The following PAK5 variants were observed in gnomAD, a reference collection of about 807,000 sequenced individuals.
PAK5 encodes the protein serine/threonine-protein kinase PAK 5.
In PAK5, 16 loss-of-function variants were observed where a neutral mutation model predicts 65.9. That is an observed-to-expected ratio of 0.24 (90% confidence interval 0.16 to 0.37). The LOEUF (loss-of-function observed/expected upper bound fraction) is 0.37. Ranked by LOEUF, PAK5 falls within the 10% of genes least tolerant of loss-of-function variation. The pLI, the probability that PAK5 is intolerant of heterozygous loss-of-function variation, is 1.00. For synonymous variants in PAK5, 371 were observed against 354.9 expected, an observed-to-expected ratio of 1.05 and a Z score of -0.51; for missense variants, 785 against 903.9, an observed-to-expected ratio of 0.87 and a Z score of 1.69.
chr20:9,774,987 C>T (rs893599889), intron 1 of PAK5, among the ~76,000 whole-genome samples: 3 of 152,020 alleles, frequency 2.0e-5, no homozygotes, highest in Non-Finnish European at 4.4e-5. Flanking sequence ...CAAAAAACTA[C>T]TCACATACAA....
At chr20:9,663,029 C>G (rs1441244060) in intron 2 of PAK5, among the ~76,000 whole-genome samples, 1 of 152,118 alleles carries the variant, frequency 6.6e-6, no homozygotes, top group Non-Finnish European at 1.5e-5. Context: ...GAATTTTCAG[C>G]AGTAACATTT....
At chr20:9,559,249 A>G (rs1433866448) in intron 6 of PAK5, among the ~76,000 whole-genome samples, 1 of 152,198 alleles carries the variant, frequency 6.6e-6, no homozygotes, top group Non-Finnish European at 1.5e-5. Context: ...CAAACAGAGG[A>G]GACTGTCAGG....
chr20:9,745,085 A>G (rs2048491030), intron 1 of PAK5, among the ~76,000 whole-genome samples: 1 of 152,154 alleles, frequency 6.6e-6, no homozygotes, highest in Non-Finnish European at 1.5e-5. Flanking sequence ...AGCCATCCCC[A>G]GTCAAAAGTA....
chr20:9,616,138 G>T (rs1330193936), intron 3 of PAK5, among the ~76,000 whole-genome samples: 1 of 152,180 alleles, frequency 6.6e-6, no homozygotes, highest in Non-Finnish European at 1.5e-5. Context: ...ATAAAGCAAT[G>T]TTGAAACTAC....
Position 9,754,111 on chromosome 20 carries a change from C to T in PAK5, c.-161-42676G>A, listed in dbSNP as rs76278513. On this transcript the variant is annotated intron_variant, in intron 1 of 9. Transcript: ENST00000353224. ...TATCTTTCCAGAAAGTTTCATTTTG[C>T]TTAAGATAGTTAGCATCAGTTTTTA... Among the ~76,000 whole-genome samples the T allele has an allele frequency of 1.9e-3, 285 of 152,238 alleles. 1 individual carries two copies. The highest frequency in any genetic ancestry group is 6.6e-3 in the African/African-American group (274 of 41,552).
intron 7 of PAK5, among the ~76,000 whole-genome samples, chr20:9,548,150 T>C (rs2045372271): frequency 6.6e-6 from 1 of 152,074 alleles, no homozygotes. Context: ...ACTAAAACCA[T>C]TCCTAGGGAC....
In PAK5 at chr20:9,644,184, T is replaced by C; in HGVS notation, c.145A>G (p.Arg49Gly). 6.2e-7 allele frequency: 1 copy of C among 1,610,644 alleles called. No individual in the cohort carries two copies. The highest frequency in any genetic ancestry group is 1.1e-5 in the South Asian group (1 of 90,094). ...GAAGGGTCCACCATAGGCTTTGGCC[T>C]GTTGGCCGTATCTGCTAACAGGCTG... ...WHSLLADTAN[R>G]PKPMVDPSCI... The change falls in exon 3 of 10, where the codon AGG (arginine) becomes GGG (glycine). Residue 49 changes from arginine (R) to glycine (G), a missense_variant. Physicochemically the swap from Arg to Gly is moderately radical, Grantham distance 125. This residue lies in a region of PAK5 where 71 missense variants were observed against 110.2 expected (regional missense o/e 0.64). Coordinates refer to ENST00000353224, the MANE Select transcript of PAK5 (RefSeq NM_177990.4).
intron 1 of PAK5, among the ~76,000 whole-genome samples, chr20:9,727,061 A>C (rs1015263358): frequency 5.9e-5 from 9 of 152,182 alleles, no homozygotes; most frequent in Non-Finnish European, 1.2e-4. Context: ...TACCAATCTT[A>C]GCATTTGAAT....
At chr20:9,644,763 C>T (rs949159360) in intron 2 of PAK5, among the ~76,000 whole-genome samples, 1 of 152,180 alleles carries the variant, frequency 6.6e-6, no homozygotes. Flanking sequence ...TGCATGAGGG[C>T]AGACACAAGC....
chr20:9,717,919 C>T (rs143000289), intron 1 of PAK5, among the ~76,000 whole-genome samples: 4 of 152,258 alleles, frequency 2.6e-5, no homozygotes, highest in Non-Finnish European at 4.4e-5. Context: ...AGCGCTCGGC[C>T]GCCATTTTGT....
intron 2 of PAK5, among the ~76,000 whole-genome samples, chr20:9,698,790 A>G (rs2047902344): frequency 6.6e-6 from 1 of 152,198 alleles, no homozygotes; most frequent in Non-Finnish European, 1.5e-5. Flanking sequence ...TACCTAGGTC[A>G]AGTACCTTTG....
intron 1 of PAK5, among the ~76,000 whole-genome samples, chr20:9,728,780 A>G (rs1200090779): frequency 6.6e-6 from 1 of 151,528 alleles, no homozygotes; most frequent in African/African-American, 2.4e-5. Context: ...TTTTTTGTAA[A>G]TAAAGTTTTA....
At chr20:9,541,738 C>G (rs1417704631) in intron 9 of PAK5, among the ~76,000 whole-genome samples, 2 of 152,144 alleles carry the variant, frequency 1.3e-5, no homozygotes, top group Non-Finnish European at 2.9e-5. Flanking sequence ...CAAATCTCAC[C>G]TCATATTGTA....
intron 4 of PAK5, among the ~76,000 whole-genome samples, chr20:9,573,971 C>T (rs1188730756): frequency 6.6e-6 from 1 of 152,170 alleles, no homozygotes; most frequent in African/African-American, 2.4e-5. Flanking sequence ...AAATCAAATG[C>T]AAGATAAAAG....
intron 2 of PAK5, among the ~76,000 whole-genome samples, chr20:9,658,293 C>T (rs1309892920): frequency 6.6e-6 from 1 of 152,106 alleles, no homozygotes; most frequent in Non-Finnish European, 1.5e-5. Flanking sequence ...TATGGTCTTG[C>T]CTGTGTTTAT....
chr20:9,756,084 G>GA (rs1196938571), intron 1 of PAK5, among the ~76,000 whole-genome samples: 5 of 151,954 alleles, frequency 3.3e-5, no homozygotes, highest in African/African-American at 1.2e-4. Context: ...GGTGAAGGGA[G>GA]AAAAAAAGAG....
intron 3 of PAK5, among the ~76,000 whole-genome samples, chr20:9,603,435 C>A (rs184739563): frequency 6.6e-6 from 1 of 152,296 alleles, no homozygotes; most frequent in Non-Finnish European, 1.5e-5. Flanking sequence ...CCAAGTTCTG[C>A]CCTATTTATA....
rs1371251040 is a variant in PAK5, at chr20:9,565,763, A to G, written c.1482+130T>C. ...AAAAAAGACTAGAAGGAAATATTAC[A>G]GGGGACGCTATTTTTGTCTTTATAT... On this transcript the variant is annotated intron_variant, in intron 5 of 9. Transcript: ENST00000353224. The G allele has an allele frequency of 1.1e-5, 10 of 906,154 alleles. No individual in the cohort carries two copies. The African/African-American group carries it at 1.7e-4, about 15-fold the overall frequency. The allele number at this position is 906,154 out of a possible 1,614,324, so 56.1% of individuals were successfully genotyped here.
chr20:9,836,678 T>C (rs1294919612), intron 1 of PAK5, among the ~76,000 whole-genome samples: 2 of 152,122 alleles, frequency 1.3e-5, no homozygotes, highest in Admixed American at 1.3e-4. Context: ...AGGAAACTAA[T>C]ATAGTTGGGA....
Sources: allele counts gnomAD v4.1 joint callset (sites outside exome capture counted in the v4.1 genomes callset), GRCh38; gene constraint gnomAD v4.1.1; regional missense constraint gnomAD v4.1.1; transcripts MANE v1.5; gene names NCBI Gene and HGNC (gene_info 2026-07-23, HGNC 2026-07-21).